Variants in DCTN2 observed in about 807,000 individuals in gnomAD.
The protein encoded by DCTN2 is 50 kDa dynein-associated polypeptide.
In DCTN2, 18 loss-of-function variants were observed where a neutral mutation model predicts 55.4. That is an observed-to-expected ratio of 0.32 (90% CI 0.22 to 0.48). The LOEUF is 0.48. Among genes scored for constraint, DCTN2 ranks in the 20% least tolerant of loss-of-function variants. DCTN2 has a pLI of 0.99. For missense variants in DCTN2, 390 were observed against 491.0 expected (o/e 0.79, Z 1.94); for synonymous variants, 168 against 185.2 (o/e 0.91, Z 0.76).
intron 2 of DCTN2, chr12:57,536,090 C>T (rs1880210647): frequency 5.6e-6 from 3 of 538,030 alleles, no homozygotes; most frequent in Middle Eastern, 4.8e-4. Context: ...GGAGCATAAC[C>T]TCCCCACCCT....
rs1880121853 is a variant in DCTN2 at position 57,535,133 on chromosome 12, T to C, written c.286A>G (p.Lys96Glu). The change falls in exon 5 of 14, where the codon AAG becomes GAG. Residue 96 changes from lysine to glutamate, a missense_variant. By Grantham distance (56) the Lys-to-Glu change is moderately conservative. This residue lies in a region of DCTN2 where 117 missense variants were observed against 187.8 expected (regional missense o/e 0.62). Transcript: ENST00000548249. Reference protein sequence around the residue: ...YEMLGEGLGVKETPQQKYQRL... With the variant: ...YEMLGEGLGVEETPQQKYQRL... ...TGGTACTTTTGCTGGGGTGTCTCCTTCACTCCCAGACCCTCTCCAAGCTAG... is the reference window on the plus strand; with the variant it reads ...TGGTACTTTTGCTGGGGTGTCTCCTCCACTCCCAGACCCTCTCCAAGCTAG... 6.2e-7 allele frequency: 1 copy of C among 1,613,764 alleles called. No homozygotes were observed. Among genetic ancestry groups the C allele is most frequent in the Non-Finnish European group, 8.5e-7 (1 of 1,179,802 alleles).
intron 2 of DCTN2, chr12:57,543,857 C>T (rs1880910691): frequency 7.8e-7 from 1 of 1,280,338 alleles, no homozygotes. Context: ...AGTATCCTCT[C>T]CTCATCAGCC....
In DCTN2 at chr12:57,532,765, C is replaced by G. The variant is rs1376435872; in HGVS notation, c.820G>C (p.Ala274Pro). 6.2e-7 allele frequency: 1 copy of G among 1,613,944 alleles called. No individual in the cohort carries two copies. ...CGAGCCTCCACTTGATCCAAAACTG[C>G]AAGGTCTAGGGCGCTCACCTTTGCT... Reference protein sequence around the residue: ...LQAKVSALDLAVLDQVEARLQ... With the variant: ...LQAKVSALDLPVLDQVEARLQ... The change falls in exon 10 of 14, where the codon GCA becomes CCA. Residue 274 changes from alanine to proline, a missense_variant. Physicochemically the swap from Ala to Pro is conservative, Grantham distance 27 (BLOSUM62 -1). This residue lies in a region of DCTN2 where 273 missense variants were observed against 303.2 expected (regional missense o/e 0.90). Coordinates refer to ENST00000548249, the MANE Select transcript of DCTN2 (RefSeq NM_001261413.2).
At position 57,547,160 on chromosome 12, in the gene DCTN2, G is replaced by T. The variant is rs1881250012; in HGVS notation, c.-97C>A. The T allele has an allele frequency of 9.8e-7, 1 of 1,020,668 alleles. No homozygotes were observed. Among genetic ancestry groups the T allele is most frequent in the East Asian group, 3.3e-5 (1 of 30,646 alleles). 63.2% of individuals were successfully genotyped at this position (1,020,668 alleles called of 1,614,324 possible). ...CTGGGTTCGGGTCCCGGGCTAAGGC[G>T]GCGGCAAAGGGAGCGGCAGATGAGC... On this transcript the variant is annotated 5_prime_UTR_variant, in exon 1 of 14. Coordinates refer to ENST00000548249, the MANE Select transcript of DCTN2 (RefSeq NM_001261413.2).
intron 2 of DCTN2, chr12:57,541,328 A>G (rs774456312): frequency 6.3e-7 from 1 of 1,597,656 alleles, no homozygotes; most frequent in African/African-American, 1.3e-5. Context: ...GGCAGATGAA[A>G]AAAACATGCA....
intron 2 of DCTN2, among the ~76,000 whole-genome samples, chr12:57,536,321 A>T (rs1156706290): frequency 6.6e-6 from 1 of 152,246 alleles, no homozygotes; most frequent in South Asian, 2.1e-4. Flanking sequence ...CTGAGTGTGA[A>T]TATTAGGACT....
intron 2 of DCTN2, chr12:57,538,464 ACTGCTCAT>A: frequency 1.3e-6 from 1 of 753,876 alleles, no homozygotes; most frequent in South Asian, 1.4e-5. Flanking sequence ...CAGAGAAACA[ACTGCTCAT>A]CATAGCACAC....
At chr12:57,539,410 G>A (rs548641217) in intron 2 of DCTN2, among the ~76,000 whole-genome samples, 3 of 152,294 alleles carry the variant, frequency 2.0e-5, no homozygotes, top group South Asian at 2.1e-4. Flanking sequence ...TCAACCCTCT[G>A]TTCACAAGAT....
chr12:57,541,508 G>A (rs1565683066), intron 2 of DCTN2: 1 of 891,786 alleles, frequency 1.1e-6, no homozygotes. Context: ...AGGAAGTACT[G>A]TTTCTCATCT....
chr12:57,532,006 G>A lies in DCTN2; in HGVS notation c.1119+9C>T. The A allele has an allele frequency of 6.4e-7, 1 of 1,557,218 alleles. No homozygotes were observed. The highest frequency in any genetic ancestry group is 8.7e-7 in the Non-Finnish European group (1 of 1,149,952). On this transcript the variant is annotated intron_variant, in intron 13 of 13. Coordinates refer to ENST00000548249, the MANE Select transcript of DCTN2 (RefSeq NM_001261413.2). ...AGAAAGGAGGACAGATCAACAAAGG[G>A]GCACACACCTGGGTCAAGAGGGTGG...
intron 2 of DCTN2, among the ~76,000 whole-genome samples, chr12:57,541,523 A>G (rs1455332463): frequency 6.6e-6 from 1 of 152,144 alleles, no homozygotes; most frequent in Non-Finnish European, 1.5e-5. Context: ...TCATCTCAGG[A>G]GTGTCCAGTA....
chr12:57,535,878 A>G, intron 2 of DCTN2, 33 bp from the exon 3 acceptor site: 1 of 1,511,774 alleles, frequency 6.6e-7, no homozygotes, highest in East Asian at 2.3e-5. Context: ...CCAGGGACAC[A>G]CTCATTCCCA....
rs11611460 is a variant in DCTN2, at chr12:57,539,229, C to G, written c.106-3384G>C. Among the ~76,000 whole-genome samples, 657 of 152,344 alleles carry G rather than the reference C, an allele frequency of 4.3e-3. 2 individuals carry two copies. Among genetic ancestry groups the G allele is most frequent in the Non-Finnish European group, 8.0e-3 (541 of 68,032 alleles). ...TCCTCCTGCAAGGGAAGAGGCAGAG[C>G]TGCTCCTGGTCCCTTGTGCAGCCTG... On this transcript the variant is annotated intron_variant, in intron 2 of 13. Coordinates refer to ENST00000548249, the MANE Select transcript of DCTN2 (RefSeq NM_001261413.2).
rs1387973305 is a variant in DCTN2 at position 57,539,578 on chromosome 12, A to G, written c.106-3733T>C. ...CAGTGGTATGTCCTGCCTTTCTAGG[A>G]GCTCTGCTGATGGGCAGATGGTTGA... On this transcript the variant is annotated intron_variant, in intron 2 of 13. Transcript: ENST00000548249. 3.9e-5 allele frequency among the ~76,000 whole-genome samples: 6 copies of G among 152,338 alleles called. No homozygotes were observed. In the East Asian group the frequency reaches 1.2e-3, roughly 29 times the overall value.
intron 13 of DCTN2, 45 bp downstream of exon 13, chr12:57,531,970 G>A (rs1269042749): frequency 1.9e-6 from 3 of 1,552,088 alleles, no homozygotes; most frequent in African/African-American, 1.4e-5. Context: ...AACCTAGTTT[G>A]CACATGCTGG....
rs114721152 is a variant in DCTN2, at chr12:57,538,357, G to A, written c.106-2512C>T. 6.6e-4 allele frequency: 442 copies of A among 664,666 alleles called. 3 individuals are homozygous for A. The African/African-American group carries it at 6.7e-3, about 10-fold the overall frequency. 41.2% of individuals were successfully genotyped at this position (664,666 alleles called of 1,614,324 possible). A position where few individuals can be genotyped will look rare whatever the true frequency, so the allele number is the denominator to read the frequency against. Reference sequence around the variant, plus strand: ...GCAGTGTCTTGAAGATCTGGGGCATGAGTTGGGGGCAGTATAATTACAGTG... The same window carrying A: ...GCAGTGTCTTGAAGATCTGGGGCATAAGTTGGGGGCAGTATAATTACAGTG... On this transcript the variant is annotated intron_variant, in intron 2 of 13. Transcript: ENST00000548249.
chr12:57,532,325 C>T lies in DCTN2; in HGVS notation c.925-10G>A. On this transcript the variant is annotated splice_polypyrimidine_tract_variant and intron_variant, in intron 11 of 13. Transcript: ENST00000548249. ...CATATAGCTGGTGCACCTGAAGGGA[C>T]ACAATGGGGCCCAGAGGGGATGGCT... 1 of 1,556,382 alleles carries T rather than the reference C, an allele frequency of 6.4e-7. No homozygotes were observed. Among genetic ancestry groups the T allele is most frequent in the Non-Finnish European group, 8.7e-7 (1 of 1,149,176 alleles).
intron 1 of DCTN2, among the ~76,000 whole-genome samples, chr12:57,546,438 C>G (rs1881165087): frequency 6.6e-6 from 1 of 152,074 alleles, no homozygotes; most frequent in Non-Finnish European, 1.5e-5. Flanking sequence ...CACCCTGGCA[C>G]AAGGATTGAG....
chr12:57,543,554 C>T (rs541393363), intron 2 of DCTN2, among the ~76,000 whole-genome samples: 6 of 152,180 alleles, frequency 3.9e-5, no homozygotes, highest in Admixed American at 3.9e-4. Flanking sequence ...ATATTTACGT[C>T]AGTATTAAAA....
Sources: allele counts gnomAD v4.1 joint callset (sites outside exome capture counted in the v4.1 genomes callset), GRCh38; gene constraint gnomAD v4.1.1; regional missense constraint gnomAD v4.1.1; transcripts MANE v1.5; gene names NCBI Gene and HGNC (gene_info 2026-07-23, HGNC 2026-07-21).